The following SIK3 variants were observed in gnomAD, a reference collection of about 807,000 sequenced individuals.
SIK3 encodes SIK family kinase 3.
Under a neutral mutation model 144.2 loss-of-function variants are expected in SIK3, and 28 were observed. The ratio of observed to expected loss-of-function variants is 0.19; its 90% confidence interval spans 0.14 to 0.27. SIK3 has a LOEUF of 0.27. SIK3 is among the 10% of genes least tolerant of loss of function. SIK3 has a pLI of 1.00. For synonymous variants in SIK3, 686 were observed against 676.3 expected (o/e 1.01, Z -0.22); for missense variants, 1,319 against 1,776.0 (o/e 0.74, Z 4.62).
chr11:116,977,684 C>T (rs1226661760), intron 1 of SIK3, among the ~76,000 whole-genome samples: 1 of 152,122 alleles, frequency 6.6e-6, no homozygotes, highest in African/African-American at 2.4e-5. Flanking sequence ...AACTAAGAAA[C>T]AGTCTTTGGT....
intron 1 of SIK3, among the ~76,000 whole-genome samples, chr11:116,970,396 A>C (rs1949724285): frequency 6.6e-6 from 1 of 152,222 alleles, no homozygotes; most frequent in Non-Finnish European, 1.5e-5. Flanking sequence ...TTTAAGTCCT[A>C]AGGGTTCATT....
chr11:117,055,631 A>G (rs1426453793), intron 1 of SIK3, among the ~76,000 whole-genome samples: 1 of 152,190 alleles, frequency 6.6e-6, no homozygotes, highest in African/African-American at 2.4e-5. Flanking sequence ...GCACTATCTC[A>G]TAGGATGGTT....
At chr11:117,084,383 G>A (rs1403065095) in intron 1 of SIK3, among the ~76,000 whole-genome samples, 2 of 151,982 alleles carry the variant, frequency 1.3e-5, no homozygotes, top group African/African-American at 4.8e-5. Flanking sequence ...TCCTGCCTCA[G>A]ACCTCTCGAG....
At chr11:116,977,377 A>G (rs1047310292) in intron 1 of SIK3, among the ~76,000 whole-genome samples, 1 of 152,142 alleles carries the variant, frequency 6.6e-6, no homozygotes, top group Admixed American at 6.5e-5. Flanking sequence ...CATCATGCCC[A>G]GCCAGAAATT....
rs1236927918 is a variant in SIK3, at chr11:116,846,938, G to A, written c.3953-385C>T. ...GCACTGTCTGTCTTCCAGACACTGT[G>A]CTAAGCACTTGATACTCACTAAGCC... is the stretch of plus-strand genomic sequence containing the variant. On this transcript the variant is annotated intron_variant, in intron 23 of 24. Coordinates refer to ENST00000445177, the MANE Select transcript of SIK3 (RefSeq NM_001366686.3). The surrounding 1 kb of genome is among the most constrained non-coding windows in gnomAD (Gnocchi z 4.1). Among the ~76,000 whole-genome samples the A allele has an allele frequency of 6.6e-6, 1 of 152,186 alleles. No individual in the cohort carries two copies. Among genetic ancestry groups the A allele is most frequent in the African/African-American group, 2.4e-5 (1 of 41,434 alleles).
intron 1 of SIK3, among the ~76,000 whole-genome samples, chr11:117,051,277 C>T (rs1357510165): frequency 1.3e-5 from 2 of 152,106 alleles, no homozygotes; most frequent in African/African-American, 2.4e-5. Flanking sequence ...GGCCTTCAGC[C>T]TTGATTCCCC....
At chr11:117,028,512 C>G (rs1311944855) in intron 1 of SIK3, among the ~76,000 whole-genome samples, 1 of 151,988 alleles carries the variant, frequency 6.6e-6, no homozygotes, top group African/African-American at 2.4e-5. Flanking sequence ...AGTGGGAACA[C>G]AGACAAGGAA....
At chr11:116,936,172 C>G (rs1043807846) in intron 3 of SIK3, among the ~76,000 whole-genome samples, 4 of 152,090 alleles carry the variant, frequency 2.6e-5, no homozygotes, top group African/African-American at 9.7e-5. Context: ...ACTGAACTAG[C>G]GTTCTCTTTG....
intron 7 of SIK3, 32 bp downstream of exon 7, chr11:116,876,889 AGAG>A (rs748772657): frequency 1.3e-6 from 2 of 1,553,570 alleles, no homozygotes; most frequent in South Asian, 2.2e-5. Flanking sequence ...AGCAGCTTTC[AGAG>A]GAGTCCCCTG....
intron 3 of SIK3, among the ~76,000 whole-genome samples, chr11:116,944,078 G>A (rs536672882): frequency 3.9e-5 from 6 of 152,142 alleles, no homozygotes; most frequent in African/African-American, 9.6e-5. Context: ...CTTTATAAGC[G>A]TATCACAACT....
At chr11:116,984,506 G>A (rs1348321460) in intron 1 of SIK3, among the ~76,000 whole-genome samples, 3 of 152,158 alleles carry the variant, frequency 2.0e-5, no homozygotes, top group Non-Finnish European at 4.4e-5. Flanking sequence ...GAACTTAGCA[G>A]ATGTCAGAAT....
In SIK3 at chr11:116,867,312, C is replaced by T. The variant is rs577788374; in HGVS notation, c.1952+634G>A. 6.6e-6 allele frequency among the ~76,000 whole-genome samples: 1 copy of T among 152,306 alleles called. No individual in the cohort carries two copies. The highest frequency in any genetic ancestry group is 2.1e-4 in the South Asian group (1 of 4,818). On this transcript the variant is annotated intron_variant, in intron 15 of 24. Transcript: ENST00000445177. This position sits in a 1 kb window ranked among gnomAD's most constrained non-coding sequence, Gnocchi z 4.1. ...CAAAGTGTCATTCCGCAGCTGCTTCCAGGCTTACTTGGAGTCAATGAAGTT... is the reference window on the plus strand; with the variant it reads ...CAAAGTGTCATTCCGCAGCTGCTTCTAGGCTTACTTGGAGTCAATGAAGTT...
At chr11:116,930,345 C>G (rs75776964) in intron 3 of SIK3, among the ~76,000 whole-genome samples, 11,035 of 152,212 alleles carry the variant, frequency 0.072, 490 homozygotes, top group Middle Eastern at 0.11. Context: ...GTGGTTTTCA[C>G]TCCCTGCTGA....
In SIK3 at chr11:117,053,552, A is replaced by G. The variant is rs780728953; in HGVS notation, c.273+44591T>C. Reference sequence around the variant, plus strand: ...GAAAACTGAGACACAAAAAAGTTAAACAGTTTCATCCCAGTTATATACAAC... The same window carrying G: ...GAAAACTGAGACACAAAAAAGTTAAGCAGTTTCATCCCAGTTATATACAAC... On this transcript the variant is annotated intron_variant, in intron 1 of 24. Transcript: ENST00000445177. Among the ~76,000 whole-genome samples, 12 of 152,146 alleles carry G rather than the reference A, an allele frequency of 7.9e-5. No individual in the cohort carries two copies. In the East Asian group the frequency reaches 2.3e-3, roughly 29 times the overall value.
Position 117,057,509 on chromosome 11 carries a change from A to G in SIK3, c.273+40634T>C, listed in dbSNP as rs11216253. 1.1e-3 allele frequency among the ~76,000 whole-genome samples: 170 copies of G among 152,210 alleles called. 1 individual carries two copies. Among genetic ancestry groups the G allele is most frequent in the African/African-American group, 3.4e-3 (140 of 41,502 alleles). On this transcript the variant is annotated intron_variant, in intron 1 of 24. Coordinates refer to ENST00000445177, the MANE Select transcript of SIK3 (RefSeq NM_001366686.3). Reference sequence around the variant, plus strand: ...GCAAGCTGTGATTCATTCAATAGGAACAAGTACTCGGTCACAGACTACTCC... The same window carrying G: ...GCAAGCTGTGATTCATTCAATAGGAGCAAGTACTCGGTCACAGACTACTCC...
chr11:117,055,501 G>A (rs996985303), intron 1 of SIK3, among the ~76,000 whole-genome samples: 4 of 152,172 alleles, frequency 2.6e-5, no homozygotes, highest in African/African-American at 9.7e-5. Context: ...TTCAAATCCT[G>A]GTCTCTCTGG....
Position 116,858,312 on chromosome 11 carries a change from C to A in SIK3, c.3153G>T (p.Arg1051=), listed in dbSNP as rs777001109. The A allele has an allele frequency of 1.9e-6, 3 of 1,613,120 alleles. No homozygotes were observed. The South Asian group carries it at 3.3e-5, about 18-fold the overall frequency. ...AQLIKRQQQQ[R]QQQQQQQQQQ... ...GTTGCTGCTGTTGCTGCTGCTGCTG[C>A]CGTTGTTGCTGCTGCCTTTTAATGA... Residue 1051 remains arginine (R), a synonymous_variant, in exon 21 of 25, where the codon CGG becomes CGT. Coordinates refer to ENST00000445177, the MANE Select transcript of SIK3 (RefSeq NM_001366686.3). This position sits in a 1 kb window ranked among gnomAD's most constrained non-coding sequence, Gnocchi z 5.4.
chr11:116,972,912 C>T (rs1247207247), intron 1 of SIK3, among the ~76,000 whole-genome samples: 1 of 152,084 alleles, frequency 6.6e-6, no homozygotes, highest in Non-Finnish European at 1.5e-5. Flanking sequence ...GGCCATGTTA[C>T]GGAAGCCCTC....
intron 6 of SIK3, among the ~76,000 whole-genome samples, chr11:116,879,233 A>G (rs1361062549): frequency 6.6e-6 from 1 of 152,176 alleles, no homozygotes; most frequent in Non-Finnish European, 1.5e-5. Flanking sequence ...CTTCTATTTA[A>G]TCACAACCGT....
Sources: allele counts gnomAD v4.1 joint callset (sites outside exome capture counted in the v4.1 genomes callset), GRCh38; gene constraint gnomAD v4.1.1; non-coding constraint Gnocchi (gnomAD v3.1); transcripts MANE v1.5; gene names NCBI Gene and HGNC (gene_info 2026-07-23, HGNC 2026-07-21).